USP20: variants seen among roughly 807,000 people sequenced by gnomAD.
USP20 encodes the protein ubiquitin carboxyl-terminal hydrolase 20.
In USP20, 80 loss-of-function variants were observed where a neutral mutation model predicts 124.2. That is an observed-to-expected ratio of 0.64 (90% CI 0.54 to 0.78). USP20 has a LOEUF of 0.78. Ranked by LOEUF, USP20 falls within the 30% of genes least tolerant of loss-of-function variation. The probability of loss-of-function intolerance (pLI) is 0.00; values close to 1 mark genes in which losing one functional copy is unlikely to be tolerated. For missense variants in USP20, 1,043 were observed against 1,244.4 expected, an observed-to-expected ratio of 0.84 and a Z score of 2.44; for synonymous variants, 481 against 512.3, an observed-to-expected ratio of 0.94 and a Z score of 0.83.
chr9:129,841,909 G>T (rs1027447003), intron 1 of USP20, among the ~76,000 whole-genome samples: 1 of 152,110 alleles, frequency 6.6e-6, no homozygotes, highest in African/African-American at 2.4e-5. Flanking sequence ...GCCCTGAGTG[G>T]TCTCATGGAG....
intron 4 of USP20, among the ~76,000 whole-genome samples, chr9:129,856,585 C>G (rs369661012): frequency 6.6e-6 from 1 of 152,200 alleles, no homozygotes; most frequent in African/African-American, 2.4e-5. Context: ...AAAAATAGGT[C>G]GGAGAAGGCT....
intron 2 of USP20, among the ~76,000 whole-genome samples, chr9:129,852,018 G>A (rs978675426): frequency 1.3e-5 from 2 of 152,188 alleles, no homozygotes; most frequent in African/African-American, 2.4e-5. Flanking sequence ...CCCACAAGAC[G>A]TGGGATAAGT....
At chr9:129,868,504 C>G in intron 11 of USP20, 55 bp downstream of exon 11, 2 of 1,551,000 alleles carry the variant, frequency 1.3e-6, no homozygotes, top group Non-Finnish European at 1.7e-6. Context: ...CCAGTACCTA[C>G]CGGGTGCTGA....
chr9:129,875,061 G>A (rs767819863), intron 19 of USP20, 106 bp downstream of exon 19: 122 of 1,472,908 alleles, frequency 8.3e-5, no homozygotes, highest in Non-Finnish European at 1.1e-4. Flanking sequence ...TTAAGCCAGG[G>A]AAGTAAGGAC....
chr9:129,846,439 G>A (rs528947218), intron 1 of USP20, among the ~76,000 whole-genome samples: 3 of 149,318 alleles, frequency 2.0e-5, no homozygotes, highest in Admixed American at 2.0e-4. Flanking sequence ...TAAATTTTTT[G>A]TAGAGATGGG....
intron 5 of USP20, 49 bp from the exon 6 acceptor site, chr9:129,858,418 C>G: frequency 6.2e-7 from 1 of 1,612,896 alleles, no homozygotes; most frequent in Non-Finnish European, 8.5e-7. Flanking sequence ...GGTTGGGGCA[C>G]TTGTTAGGCT....
intron 12 of USP20, 66 bp from the exon 13 acceptor site, chr9:129,869,244 G>A (rs1265255804): frequency 9.3e-6 from 14 of 1,507,642 alleles, no homozygotes; most frequent in Admixed American, 3.5e-5. Flanking sequence ...AAAGGAAGCC[G>A]CAGGGCCCGC....
chr9:129,848,091 G>A (rs1214598837), intron 1 of USP20, among the ~76,000 whole-genome samples: 5 of 152,118 alleles, frequency 3.3e-5, no homozygotes, highest in African/African-American at 9.7e-5. Context: ...GAGGTCAGGA[G>A]TTTGAGACCA....
chr9:129,856,450 G>A, intron 4 of USP20, 90 bp downstream of exon 4: 2 of 1,475,226 alleles, frequency 1.4e-6, no homozygotes, highest in East Asian at 2.3e-5. Flanking sequence ...TAGACTCTGG[G>A]CTGGGAACTT....
In USP20 at chr9:129,880,199, A is replaced by G. The variant is rs200124080; in HGVS notation, c.2671A>G (p.Ser891Gly). The G allele has an allele frequency of 3.0e-4, 486 of 1,613,732 alleles. 2 individuals carry two copies. In the African/African-American group the frequency reaches 5.7e-3, roughly 19 times the overall value. ...GGGPEIAIRQSVAQPLGPENL... is the reference protein window; with the variant it reads ...GGGPEIAIRQGVAQPLGPENL... ...TGGCCCCGAGATTGCCATCCGCCAG[A>G]GTGTGGCGCAGCCGCTGGGCCCAGA... The change falls in exon 25 of 26, where the codon AGT becomes GGT. Residue 891 changes from serine (S) to glycine (G), a missense_variant. Ser to Gly is a moderately conservative substitution (Grantham distance 56). Coordinates refer to ENST00000372429, the MANE Select transcript of USP20 (RefSeq NM_001110303.4).
intron 1 of USP20, among the ~76,000 whole-genome samples, chr9:129,848,708 C>A (rs76209329): frequency 0.04 from 6,082 of 151,842 alleles, 423 homozygotes; most frequent in African/African-American, 0.14. Context: ...CCCAGCCACC[C>A]GACTGGAGAG....
At chr9:129,871,151 A>C (rs530084197) in intron 15 of USP20, among the ~76,000 whole-genome samples, 41 of 152,270 alleles carry the variant, frequency 2.7e-4, no homozygotes, top group Non-Finnish European at 4.4e-4. Flanking sequence ...TGCAAACCTG[A>C]AACTCAGTAT....
Position 129,858,463 on chromosome 9 carries a change from C to A in USP20, c.199-4C>A. On this transcript the variant is annotated splice_polypyrimidine_tract_variant and splice_region_variant and intron_variant, in intron 5 of 25. Transcript: ENST00000372429. Reference sequence around the variant, plus strand: ...TGGACCTTGTTTTGGATATCACCCTCTAGGCAAAAAAGCACAACTTGACCG... The same window carrying A: ...TGGACCTTGTTTTGGATATCACCCTATAGGCAAAAAAGCACAACTTGACCG... The A allele has an allele frequency of 6.2e-7, 1 of 1,614,092 alleles. No homozygotes were observed. Among genetic ancestry groups the A allele is most frequent in the Non-Finnish European group, 8.5e-7 (1 of 1,179,998 alleles).
chr9:129,870,387 A>AG (rs1233673040), intron 14 of USP20, 66 bp from the exon 15 acceptor site: 2 of 1,537,578 alleles, frequency 1.3e-6, no homozygotes, highest in Non-Finnish European at 1.8e-6. Flanking sequence ...CCTCAGCCAG[A>AG]GTCCCTTCAG....
At chr9:129,873,632 G>T (rs1215085401) in intron 16 of USP20, 67 bp from the exon 17 acceptor site, 1 of 1,613,530 alleles carries the variant, frequency 6.2e-7, no homozygotes, top group East Asian at 2.2e-5. Context: ...GAGCCGGGTG[G>T]AGGGCTGCTT....
Position 129,880,450 on chromosome 9 carries a change from T to C in USP20, c.*17-17T>C. 2 of 845,412 alleles carry C rather than the reference T, an allele frequency of 2.4e-6. No homozygotes were observed. The highest frequency in any genetic ancestry group is 3.6e-6 in the Non-Finnish European group (2 of 562,082). The allele number at this position is 845,412 out of a possible 1,614,324, so 52.4% of individuals were successfully genotyped here. A position where few individuals can be genotyped will look rare whatever the true frequency, so the allele number is the denominator to read the frequency against. On this transcript the variant is annotated splice_polypyrimidine_tract_variant and intron_variant, in intron 25 of 25. Coordinates refer to ENST00000372429, the MANE Select transcript of USP20 (RefSeq NM_001110303.4). Reference sequence around the variant, plus strand: ...GACATGGCCCGGCCCCACTGCTGAGTGCCCGTGTCCCCACAGCCCCATGTG... The same window carrying C: ...GACATGGCCCGGCCCCACTGCTGAGCGCCCGTGTCCCCACAGCCCCATGTG...
At chr9:129,852,697 G>T in intron 3 of USP20, 61 bp downstream of exon 3, 1 of 1,493,518 alleles carries the variant, frequency 6.7e-7, no homozygotes, top group Admixed American at 2.0e-5. Context: ...TTCCTGGGGT[G>T]TGGACATTTC....
In USP20 at chr9:129,869,305, C is replaced by G. The variant is rs1178845517; in HGVS notation, c.1277-5C>G. On this transcript the variant is annotated splice_polypyrimidine_tract_variant and splice_region_variant and intron_variant, in intron 12 of 25. Coordinates refer to ENST00000372429, the MANE Select transcript of USP20 (RefSeq NM_001110303.4). ...GGCTGGGCTAGTCCTGTGCTGTGTC[C>G]CCAGCCCAGGTATTGAGTGCTGGCA... is the stretch of plus-strand genomic sequence containing the variant. 5 of 1,612,912 alleles carry G rather than the reference C, an allele frequency of 3.1e-6. No individual in the cohort carries two copies. Among genetic ancestry groups the G allele is most frequent in the Non-Finnish European group, 4.2e-6 (5 of 1,179,478 alleles).
chr9:129,838,116 A>G (rs1225698252), intron 1 of USP20, among the ~76,000 whole-genome samples: 1 of 149,216 alleles, frequency 6.7e-6, no homozygotes, highest in Non-Finnish European at 1.5e-5. Context: ...ATCTTGGCTC[A>G]CTCCAACCTC....
Sources: allele counts gnomAD v4.1 joint callset (sites outside exome capture counted in the v4.1 genomes callset), GRCh38; gene constraint gnomAD v4.1.1; transcripts MANE v1.5; gene names NCBI Gene and HGNC (gene_info 2026-07-23, HGNC 2026-07-21).